Variants in FAAH2 observed in about 807,000 individuals in gnomAD.
FAAH2 encodes fatty acid amide hydrolase 2.
FAAH2 carries 60 observed loss-of-function variants against 36.9 expected under a neutral mutation model. The ratio of observed to expected loss-of-function variants is 1.63; its 90% CI spans 1.32 to 2.02. The LOEUF (loss-of-function observed/expected upper bound fraction) is 2.02. Ranked by LOEUF, FAAH2 falls within the 30% of genes most tolerant of loss-of-function variation. The pLI is 0.00. For missense variants in FAAH2, 689 were observed against 397.5 expected (o/e 1.73, Z -6.23); for synonymous variants, 214 against 143.8 (o/e 1.49, Z -3.49).
the FAAH2 span, among the ~76,000 whole-genome samples, chrX:57,208,259 C>T: frequency 8.9e-6 from 1 of 112,298 alleles, no homozygotes; most frequent in South Asian, 3.7e-4. Flanking sequence ...CTTCCTCCTT[C>T]GCCACTTTAG....
chrX:57,296,032 C>A (rs2052141804), intron 2 of FAAH2, among the ~76,000 whole-genome samples: 1 of 112,456 alleles, frequency 8.9e-6, no homozygotes, highest in Non-Finnish European at 1.9e-5. Context: ...GGGGGCAGGA[C>A]ACAGACAAAC....
At chrX:57,314,636 T>C (rs1016714008) in intron 3 of FAAH2, among the ~76,000 whole-genome samples, 2 of 111,240 alleles carry the variant, frequency 1.8e-5, no homozygotes, top group African/African-American at 3.3e-5. Flanking sequence ...TAGATGGACA[T>C]TGAAATTAAG....
the FAAH2 span, among the ~76,000 whole-genome samples, chrX:57,181,649 T>A: frequency 9.0e-6 from 1 of 111,525 alleles, no homozygotes; most frequent in East Asian, 2.8e-4. Context: ...AAATGGCTAT[T>A]TGGCCCAAAT....
chrX:57,470,646 G>A (rs1402984956), intron 10 of FAAH2, among the ~76,000 whole-genome samples: 1 of 110,936 alleles, frequency 9.0e-6, no homozygotes, highest in Non-Finnish European at 1.9e-5. Context: ...AGATGGACTC[G>A]CAGCCAAATT....
At position 57,311,590 on chromosome X, in the gene FAAH2, T is replaced by G. The variant is rs532458949; in HGVS notation, c.412+861T>G. Among the ~76,000 whole-genome samples, 39 of 111,849 alleles carry G rather than the reference T, an allele frequency of 3.5e-4. 1 individual carries two copies. The South Asian group carries it at 0.014, about 41-fold the overall frequency. ...AGGCACCAATCCCCAAGTCTTCCCA[T>G]TCCTCCGAGGAGGTGCAGGCCGGGA... On this transcript the variant is annotated intron_variant, in intron 3 of 10. Coordinates refer to ENST00000374900, the MANE Select transcript of FAAH2 (RefSeq NM_174912.4).
the FAAH2 span, among the ~76,000 whole-genome samples, chrX:57,232,301 C>T: frequency 1.8e-5 from 2 of 111,347 alleles, no homozygotes; most frequent in African/African-American, 6.5e-5. Flanking sequence ...GAAGCAAGGA[C>T]AAAATTCAGA....
chrX:57,345,288 T>C (rs955469785), intron 5 of FAAH2, among the ~76,000 whole-genome samples: 2 of 110,108 alleles, frequency 1.8e-5, no homozygotes, highest in Admixed American at 9.7e-5. Flanking sequence ...TGGTAGGTTT[T>C]TTTTAATTAC....
chrX:57,379,852 G>T (rs2054794361), intron 6 of FAAH2, among the ~76,000 whole-genome samples: 2 of 101,994 alleles, frequency 2.0e-5, no homozygotes, highest in Admixed American at 1.1e-4. Context: ...AATAATGACT[G>T]CTTCTCAATA....
chrX:57,471,295 G>T, intron 10 of FAAH2, among the ~76,000 whole-genome samples: 1 of 111,794 alleles, frequency 8.9e-6, no homozygotes, highest in South Asian at 3.8e-4. Context: ...AGGAAAAGAG[G>T]AAGTCAAATT....
the FAAH2 span, among the ~76,000 whole-genome samples, chrX:57,172,830 G>A: frequency 9.0e-6 from 1 of 111,362 alleles, no homozygotes; most frequent in Non-Finnish European, 1.9e-5. Flanking sequence ...TCCTCTCGAC[G>A]TCCAGCCACC....
At chrX:57,328,030 T>G (rs1341606805) in intron 3 of FAAH2, among the ~76,000 whole-genome samples, 1 of 112,085 alleles carries the variant, frequency 8.9e-6, no homozygotes, top group African/African-American at 3.2e-5. Context: ...GTGGATGTCC[T>G]TTTTATTTGT....
chrX:57,247,314 C>T, the FAAH2 span, among the ~76,000 whole-genome samples: 1 of 111,440 alleles, frequency 9.0e-6, no homozygotes, highest in African/African-American at 3.3e-5. Context: ...TTTATTATGA[C>T]AGAAAAACAG....
the FAAH2 span, among the ~76,000 whole-genome samples, chrX:57,145,971 T>C: frequency 9.0e-6 from 1 of 111,219 alleles, no homozygotes; most frequent in East Asian, 2.8e-4. Flanking sequence ...CCTTATAGTA[T>C]AGTTTGAAGT....
At chrX:57,319,714 A>G (rs1440737825) in intron 3 of FAAH2, among the ~76,000 whole-genome samples, 1 of 112,091 alleles carries the variant, frequency 8.9e-6, no homozygotes, top group Non-Finnish European at 1.9e-5. Context: ...GATAGCCAAG[A>G]CAATCTTAAG....
chrX:57,273,631 G>A, the FAAH2 span, among the ~76,000 whole-genome samples: 4 of 111,468 alleles, frequency 3.6e-5, no homozygotes, highest in Non-Finnish European at 7.5e-5. Context: ...ACAACTACAT[G>A]GAAACTGAAC....
At chrX:57,481,605 C>T (rs1484855942) in intron 10 of FAAH2, among the ~76,000 whole-genome samples, 3 of 112,101 alleles carry the variant, frequency 2.7e-5, no homozygotes, top group Non-Finnish European at 5.6e-5. Context: ...CTGCTCCTTC[C>T]TCTGGAAGCT....
intron 3 of FAAH2, among the ~76,000 whole-genome samples, chrX:57,318,787 C>T (rs2052924131): frequency 8.9e-6 from 1 of 111,959 alleles, no homozygotes; most frequent in African/African-American, 3.2e-5. Context: ...TACTGGCAAA[C>T]TGAATCCAGC....
At chrX:57,411,955 CTT>C (rs1282181378) in intron 7 of FAAH2, among the ~76,000 whole-genome samples, 2 of 111,838 alleles carry the variant, frequency 1.8e-5, no homozygotes, top group Non-Finnish European at 3.8e-5. Context: ...GAGTATTACT[CTT>C]TTAAAATTTT....
At chrX:57,346,977 C>T (rs904803376) in intron 5 of FAAH2, among the ~76,000 whole-genome samples, 5 of 110,863 alleles carry the variant, frequency 4.5e-5, no homozygotes, top group African/African-American at 1.3e-4. Context: ...GACCTTTTCC[C>T]TTACTTGCCT....
Sources: gnomAD v4.1 joint callset for allele counts (sites outside exome capture counted in the v4.1 genomes callset) on GRCh38, gnomAD v4.1.1 for gene constraint, MANE v1.5 for transcripts, NCBI Gene and HGNC (gene_info 2026-07-23, HGNC 2026-07-21) for gene names.